SLC5A6: variants seen among roughly 807,000 people sequenced by gnomAD.
SLC5A6 encodes sodium-dependent multivitamin transporter.
A neutral mutation model predicts 67.9 loss-of-function variants in SLC5A6; 31 were observed. That is an observed-to-expected ratio of 0.46 (90% confidence interval 0.34 to 0.62). The LOEUF (loss-of-function observed/expected upper bound fraction) is 0.62, where lower values mean the gene tolerates loss of function less well. Among genes scored for constraint, SLC5A6 ranks in the 20% least tolerant of loss-of-function variants. SLC5A6 has a pLI of 0.01. For missense variants in SLC5A6, 673 were observed against 812.8 expected, an observed-to-expected ratio of 0.83 and a Z score of 2.09; for synonymous variants, 343 against 331.0, an observed-to-expected ratio of 1.04 and a Z score of -0.39.
chr2:27,209,486 G>A (rs1468569119), intron 2 of SLC5A6, among the ~76,000 whole-genome samples: 1 of 152,194 alleles, frequency 6.6e-6, no homozygotes, highest in Non-Finnish European at 1.5e-5. Context: ...AAAACTGAGA[G>A]ATTAAATAAC....
chr2:27,205,558 C>T lies in SLC5A6; in HGVS notation c.580-54G>A, dbSNP rs41288809. 3.2e-3 allele frequency: 5,132 copies of T among 1,592,318 alleles called. 12 individuals are homozygous for T. The highest frequency in any genetic ancestry group is 0.024 in the Middle Eastern group (146 of 6,006). ...CAGAGGCCTTCTAAACCCAGCTTGT[C>T]CAACCTGCCTTATTTTGTTGTTGCT... On this transcript the variant is annotated intron_variant, in intron 6 of 16. Transcript: ENST00000310574.
chr2:27,211,177 C>A (rs570123371), intron 2 of SLC5A6, among the ~76,000 whole-genome samples: 24 of 152,354 alleles, frequency 1.6e-4, no homozygotes, highest in African/African-American at 5.8e-4. Flanking sequence ...CCTATAATTC[C>A]TCAAGGTGTG....
chr2:27,206,568 G>A, intron 4 of SLC5A6, 34 bp from the exon 5 acceptor site: 1 of 1,597,396 alleles, frequency 6.3e-7, no homozygotes, highest in Non-Finnish European at 8.6e-7. Context: ...ATGGGGGCCG[G>A]AGAATGGTGG....
At position 27,203,839 on chromosome 2, in the gene SLC5A6, A is replaced by C; in HGVS notation, c.1034T>G (p.Leu345Arg). The C allele has an allele frequency of 6.2e-7, 1 of 1,614,120 alleles. No individual in the cohort carries two copies. The highest frequency in any genetic ancestry group is 8.5e-7 in the Non-Finnish European group (1 of 1,179,950). ...QFVLYFVMDLLKGLPGLPGLF... is the reference protein window; with the variant it reads ...QFVLYFVMDLRKGLPGLPGLF... ...CCCTGGCAGGCCTGGCAGGCCCTTC[A>C]GGAGATCCATCACAAAGTACAGGAC... is the stretch of plus-strand genomic sequence containing the variant. The change falls in exon 10 of 17, where the codon CTG becomes CGG. Residue 345 changes from leucine to arginine, a missense_variant. Transcript: ENST00000310574.
At chr2:27,210,436 C>T (rs576612061) in intron 2 of SLC5A6, among the ~76,000 whole-genome samples, 90 of 151,848 alleles carry the variant, frequency 5.9e-4, no homozygotes, top group African/African-American at 2.1e-3. Flanking sequence ...GGACCCCCCC[C>T]CCTTTTTTTT....
At position 27,203,851 on chromosome 2, in the gene SLC5A6, A is replaced by G. The variant is rs763739301; in HGVS notation, c.1022T>C (p.Val341Ala). Reference protein sequence around the residue: ...AAPDQFVLYFVMDLLKGLPGL... With the variant: ...AAPDQFVLYFAMDLLKGLPGL... ...TGGCAGGCCCTTCAGGAGATCCATCACAAAGTACAGGACGAACTGCAAGCA... is the reference window on the plus strand; with the variant it reads ...TGGCAGGCCCTTCAGGAGATCCATCGCAAAGTACAGGACGAACTGCAAGCA... The change falls in exon 10 of 17, where the codon GTG becomes GCG. Residue 341 changes from valine to alanine, a missense_variant. Coordinates refer to ENST00000310574, the MANE Select transcript of SLC5A6 (RefSeq NM_021095.4). The G allele has an allele frequency of 8.7e-6, 14 of 1,613,898 alleles. No individual in the cohort carries two copies. The African/African-American group carries it at 1.9e-4, about 22-fold the overall frequency.
chr2:27,201,576 C>A (rs563212359), intron 14 of SLC5A6, 90 bp downstream of exon 14: 4 of 1,403,770 alleles, frequency 2.8e-6, no homozygotes, highest in Non-Finnish European at 4.0e-6. Flanking sequence ...TTCCCTGGGG[C>A]CTCTGGTGGC....
chr2:27,203,613 T>C (rs1038520460), intron 10 of SLC5A6, among the ~76,000 whole-genome samples, 166 bp downstream of exon 10: 1 of 152,238 alleles, frequency 6.6e-6, no homozygotes, highest in Non-Finnish European at 1.5e-5. Flanking sequence ...TCTGTTGTGC[T>C]GTGGCCTACA....
Position 27,200,245 on chromosome 2 carries a change from G to A in SLC5A6, c.*191C>T, listed in dbSNP as rs191510120. The stretch of plus-strand genomic sequence containing the variant: ...CAGATTGGCAAGCGACGAGAAAAAC[G>A]GTGCCTCACATGCTTGAGATGTGAC... On this transcript the variant is annotated 3_prime_UTR_variant, in exon 17 of 17. Coordinates refer to ENST00000310574, the MANE Select transcript of SLC5A6 (RefSeq NM_021095.4). 541 of 495,372 alleles carry A rather than the reference G, an allele frequency of 1.1e-3. 5 individuals are homozygous for A. In the East Asian group the frequency reaches 0.013, roughly 12 times the overall value. The allele number at this position is 495,372 out of a possible 1,614,324, so 30.7% of individuals were successfully genotyped here.
At chr2:27,205,941 G>A in intron 6 of SLC5A6, 85 bp downstream of exon 6, 1 of 1,022,758 alleles carries the variant, frequency 9.8e-7, no homozygotes, top group Non-Finnish European at 1.5e-6. Context: ...TATATTCTCA[G>A]CTTATCTCTT....
At position 27,204,870 on chromosome 2, in the gene SLC5A6, T is replaced by C; in HGVS notation, c.796A>G (p.Met266Val). ...FWTLAFGGVF[M>V]MLSLYGVNQA... ...TTCACCCCGTATAAGGAGAGCATCATGAAGACACCCCCGAAGGCCAAGGTC... is the reference window on the plus strand; with the variant it reads ...TTCACCCCGTATAAGGAGAGCATCACGAAGACACCCCCGAAGGCCAAGGTC... Residue 266 changes from methionine (M) to valine (V), a missense_variant, in exon 8 of 17, where the codon ATG becomes GTG. Coordinates refer to ENST00000310574, the MANE Select transcript of SLC5A6 (RefSeq NM_021095.4). 6.2e-7 allele frequency: 1 copy of C among 1,614,088 alleles called. No homozygotes were observed.
chr2:27,210,355 C>T (rs976226755), intron 2 of SLC5A6, among the ~76,000 whole-genome samples: 7 of 152,096 alleles, frequency 4.6e-5, no homozygotes, highest in African/African-American at 1.4e-4. Flanking sequence ...AGAAAGAGGG[C>T]GGCCAAAAGC....
chr2:27,206,296 G>T, intron 5 of SLC5A6, 187 bp downstream of exon 5: 1 of 694,546 alleles, frequency 1.4e-6, no homozygotes, highest in Non-Finnish European at 2.5e-6. Context: ...ATGGTAACAT[G>T]TTACTAGCTG....
At chr2:27,204,350 C>G in intron 9 of SLC5A6, 111 bp downstream of exon 9, 1 of 1,250,984 alleles carries the variant, frequency 8.0e-7, no homozygotes, top group Non-Finnish European at 1.1e-6. Flanking sequence ...GATTTTACAA[C>G]CGTCTCCCAC....
chr2:27,209,391 CAT>C (rs1333984394), intron 2 of SLC5A6, among the ~76,000 whole-genome samples: 1 of 152,206 alleles, frequency 6.6e-6, no homozygotes, highest in East Asian at 1.9e-4. Flanking sequence ...GCTTTATAAA[CAT>C]TAGTAATAAT....
chr2:27,203,220 A>C lies in SLC5A6; in HGVS notation c.1207+13T>G, dbSNP rs377162272. 37 of 1,614,018 alleles carry C rather than the reference A, an allele frequency of 2.3e-5. No individual in the cohort carries two copies. The African/African-American group carries it at 4.9e-4, about 22-fold the overall frequency. On this transcript the variant is annotated intron_variant, in intron 11 of 16. Transcript: ENST00000310574. ...AAGACCCAGACTGAAGAGATGAGGA[A>C]GCATAACCCCACCAAGGCCTCTGGA...
intron 1 of SLC5A6, 137 bp downstream of exon 1, chr2:27,211,883 A>T: frequency 3.8e-6 from 1 of 261,794 alleles, no homozygotes; most frequent in Non-Finnish European, 6.9e-6. Flanking sequence ...GCACCGGCTC[A>T]CGCTCTCCAG....
At chr2:27,203,396 C>T (rs1673800432) in intron 10 of SLC5A6, 51 bp from the exon 11 acceptor site, 1 of 1,457,450 alleles carries the variant, frequency 6.9e-7, no homozygotes, top group Non-Finnish European at 9.6e-7. Flanking sequence ...ATTGTCAGCT[C>T]TATGGGACTC....
rs1202048074 is a variant in SLC5A6, at chr2:27,201,119, T to C, written c.1649-6A>G. 2.5e-6 allele frequency: 4 copies of C among 1,602,706 alleles called. No individual in the cohort carries two copies. The East Asian group carries it at 8.9e-5, about 36-fold the overall frequency. ...GGACCGGCCTCGCATTCTCCCTGAA[T>C]GGAAATGTGCTTCTGAGTCTCTGGG... On this transcript the variant is annotated splice_region_variant and splice_polypyrimidine_tract_variant and intron_variant, in intron 15 of 16. Transcript: ENST00000310574.
Sources: gnomAD v4.1 joint callset for allele counts (sites outside exome capture counted in the v4.1 genomes callset) on GRCh38, gnomAD v4.1.1 for gene constraint, MANE v1.5 for transcripts, NCBI Gene and HGNC (gene_info 2026-07-23, HGNC 2026-07-21) for gene names.